The following GNAO1 variants were observed in gnomAD, a reference collection of about 807,000 sequenced individuals.
GNAO1 encodes guanine nucleotide-binding protein G(o) subunit alpha.
For synonymous variants in GNAO1, 164 were observed against 180.7 expected (o/e 0.91, Z 0.74); for missense variants, 166 against 478.7 (o/e 0.35, Z 6.10).
In GNAO1 at chr16:56,207,527, C is replaced by T. The variant is rs532361276; in HGVS notation, c.161+14911C>T. On this transcript the variant is annotated intron_variant, in intron 2 of 8. Transcript: ENST00000262493. Reference sequence around the variant, plus strand: ...GTGTTTCTCTTTCCATCACACCACTCAGAACATTCTTAATTGTTATCAATT... The same window carrying T: ...GTGTTTCTCTTTCCATCACACCACTTAGAACATTCTTAATTGTTATCAATT... Among the ~76,000 whole-genome samples, 24 of 152,320 alleles carry T rather than the reference C, an allele frequency of 1.6e-4. No homozygotes were observed. The South Asian group carries it at 5.0e-3, about 32-fold the overall frequency.
chr16:56,286,955 C>A (rs2037177849), intron 3 of GNAO1, among the ~76,000 whole-genome samples: 1 of 152,174 alleles, frequency 6.6e-6, no homozygotes, highest in Non-Finnish European at 1.5e-5. Flanking sequence ...AGCTGTGCTG[C>A]CCCGTGCAGG....
At chr16:56,244,103 G>A (rs560093722) in intron 2 of GNAO1, among the ~76,000 whole-genome samples, 6 of 152,288 alleles carry the variant, frequency 3.9e-5, no homozygotes, top group African/African-American at 9.6e-5. Flanking sequence ...TTGGCCACTC[G>A]CCATGCTATA....
chr16:56,336,589 C>A (rs1462469807), intron 5 of GNAO1, 142 bp from the exon 6 acceptor site: 2 of 681,998 alleles, frequency 2.9e-6, no homozygotes, highest in Non-Finnish European at 4.8e-6. Flanking sequence ...CCTGGAGTGA[C>A]AAGGTCTTCT....
chr16:56,348,023 C>T (rs2037889466), intron 6 of GNAO1: 6 of 980,394 alleles, frequency 6.1e-6, no homozygotes, highest in Non-Finnish European at 7.3e-6. Flanking sequence ...CCGTCTCTCT[C>T]GAGTGCAGTG....
At chr16:56,349,035 C>G (rs1425491143) in intron 6 of GNAO1, among the ~76,000 whole-genome samples, 1 of 152,196 alleles carries the variant, frequency 6.6e-6, no homozygotes, top group Non-Finnish European at 1.5e-5. Context: ...GCCCTGCACA[C>G]AGATGCCAGG....
chr16:56,347,986 G>A (rs1051041528), intron 6 of GNAO1: 26 of 978,872 alleles, frequency 2.7e-5, no homozygotes, highest in Non-Finnish European at 2.8e-5. Context: ...AGGTGGGCTC[G>A]GGCGTCCCAG....
intron 4 of GNAO1, among the ~76,000 whole-genome samples, chr16:56,334,219 A>G (rs568097471): frequency 7.2e-4 from 109 of 152,348 alleles, no homozygotes; most frequent in African/African-American, 2.5e-3. Flanking sequence ...GAAGGCAGGG[A>G]ACTGCTCAGG....
At chr16:56,319,617 G>A (rs1413779875) in intron 3 of GNAO1, among the ~76,000 whole-genome samples, 1 of 152,142 alleles carries the variant, frequency 6.6e-6, no homozygotes, top group Non-Finnish European at 1.5e-5. Flanking sequence ...CAGCACACTC[G>A]TGACCAGCCG....
At position 56,351,381 on chromosome 16, in the gene GNAO1, C is replaced by T; in HGVS notation, c.724-3C>T. ...CCTCTCTCCTCCCTTCCTGCGGCCG[C>T]AGAACCGCATGCACGAGTCTCTCAT... On this transcript the variant is annotated splice_region_variant and splice_polypyrimidine_tract_variant and intron_variant, in intron 6 of 8. Transcript: ENST00000262493. This position sits in a 1 kb window ranked among gnomAD's most constrained non-coding sequence, Gnocchi z 6.1. 6.2e-7 allele frequency: 1 copy of T among 1,610,462 alleles called. No individual in the cohort carries two copies. The highest frequency in any genetic ancestry group is 8.5e-7 in the Non-Finnish European group (1 of 1,176,948).
chr16:56,346,344 T>G (rs780188279), intron 6 of GNAO1: 9 of 985,362 alleles, frequency 9.1e-6, no homozygotes, highest in Non-Finnish European at 1.1e-5. Flanking sequence ...TAATCCACAG[T>G]GGTCCTGCGT....
intron 3 of GNAO1, among the ~76,000 whole-genome samples, chr16:56,313,552 C>G (rs2037479573): frequency 6.6e-6 from 1 of 152,112 alleles, no homozygotes; most frequent in Admixed American, 6.5e-5. Context: ...TCTCTGCCTT[C>G]TCTCTGTTGT....
intron 2 of GNAO1, among the ~76,000 whole-genome samples, chr16:56,248,927 A>T (rs1205649983): frequency 6.6e-6 from 1 of 152,130 alleles, no homozygotes; most frequent in Admixed American, 6.5e-5. Context: ...CAGCCCAGAG[A>T]CAGGAATAGA....
At chr16:56,346,967 A>G in intron 6 of GNAO1, 1 of 985,344 alleles carries the variant, frequency 1.0e-6, no homozygotes, top group Non-Finnish European at 1.2e-6. Context: ...GCTCCCACCT[A>G]ACACTCTACA....
At chr16:56,251,526 G>T (rs2036799842) in intron 2 of GNAO1, among the ~76,000 whole-genome samples, 1 of 152,160 alleles carries the variant, frequency 6.6e-6, no homozygotes, top group East Asian at 1.9e-4. Context: ...TTCCCATTCT[G>T]CTGAAATGGG....
chr16:56,291,009 A>G (rs754746939), intron 3 of GNAO1, among the ~76,000 whole-genome samples: 1 of 152,180 alleles, frequency 6.6e-6, no homozygotes, highest in African/African-American at 2.4e-5. Flanking sequence ...TCATTCATCT[A>G]TTCATCATTT....
At chr16:56,222,071 G>C (rs1269107052) in intron 2 of GNAO1, among the ~76,000 whole-genome samples, 2 of 152,218 alleles carry the variant, frequency 1.3e-5, no homozygotes, top group African/African-American at 2.4e-5. Context: ...GAGTTTTTAA[G>C]ATAACTCAAC....
chr16:56,229,668 T>G (rs1044230795), intron 2 of GNAO1, among the ~76,000 whole-genome samples: 14 of 152,112 alleles, frequency 9.2e-5, no homozygotes, highest in African/African-American at 3.4e-4. Context: ...TAGATAGAAT[T>G]TAATCTTCAC....
rs1489939309 is a variant in GNAO1, at chr16:56,322,314, G to A, written c.304-6317G>A. 3.3e-5 allele frequency among the ~76,000 whole-genome samples: 5 copies of A among 152,272 alleles called. No homozygotes were observed. The South Asian group carries it at 6.2e-4, about 19-fold the overall frequency. On this transcript the variant is annotated intron_variant, in intron 3 of 8. Coordinates refer to ENST00000262493, the MANE Select transcript of GNAO1 (RefSeq NM_020988.3). The stretch of plus-strand genomic sequence containing the variant: ...TCATATGGCCTGGGCACCCAGGCAC[G>A]CTCTGACCAGCAAGAAACAGCAGTG...
intron 2 of GNAO1, among the ~76,000 whole-genome samples, chr16:56,219,097 C>G (rs1323578331): frequency 6.6e-6 from 1 of 152,190 alleles, no homozygotes; most frequent in Non-Finnish European, 1.5e-5. Flanking sequence ...GCCATTGCAC[C>G]CTAGGAATAT....
Sources: allele counts gnomAD v4.1 joint callset (sites outside exome capture counted in the v4.1 genomes callset), GRCh38; gene constraint gnomAD v4.1.1; non-coding constraint Gnocchi (gnomAD v3.1); transcripts MANE v1.5; gene names NCBI Gene and HGNC (gene_info 2026-07-23, HGNC 2026-07-21).